Variants in NCAM2 observed in about 807,000 individuals in gnomAD.
The protein encoded by NCAM2 is N-CAM-2.
A neutral mutation model predicts 98.1 loss-of-function variants in NCAM2; 30 were observed. The ratio of observed to expected loss-of-function variants is 0.31; its 90% CI spans 0.23 to 0.41. The LOEUF is 0.41. NCAM2 is among the 10% of genes least tolerant of loss of function. NCAM2 has a pLI of 1.00. For synonymous variants in NCAM2, 368 were observed against 342.4 expected (o/e 1.07, Z -0.83); for missense variants, 867 against 1,005.8 (o/e 0.86, Z 1.87).
intron 15 of NCAM2, among the ~76,000 whole-genome samples, chr21:21,499,557 A>C (rs1987487277): frequency 6.6e-6 from 1 of 152,136 alleles, no homozygotes; most frequent in Non-Finnish European, 1.5e-5. Context: ...AATAAATTTT[A>C]AAACAAAATG....
At chr21:21,410,575 C>T in intron 10 of NCAM2, 114 bp downstream of exon 10, 1 of 551,746 alleles carries the variant, frequency 1.8e-6, no homozygotes. Flanking sequence ...AGAGAGAAAT[C>T]ATGGTGTATA....
chr21:21,365,639 C>T (rs534664800), intron 8 of NCAM2, among the ~76,000 whole-genome samples: 12 of 151,666 alleles, frequency 7.9e-5, no homozygotes, highest in Non-Finnish European at 1.5e-4. Context: ...GAACACTACC[C>T]GATCAATTGT....
intron 1 of NCAM2, among the ~76,000 whole-genome samples, chr21:21,174,754 A>T (rs1344121165): frequency 1.3e-5 from 2 of 152,090 alleles, no homozygotes; most frequent in Non-Finnish European, 2.9e-5. Context: ...ATAAATAAAT[A>T]CCAATAATAC....
chr21:21,439,806 C>A (rs1476010963), intron 12 of NCAM2, among the ~76,000 whole-genome samples: 1 of 152,142 alleles, frequency 6.6e-6, no homozygotes, highest in Admixed American at 6.5e-5. Flanking sequence ...TACACATTGT[C>A]AAAGAAAACT....
intron 10 of NCAM2, among the ~76,000 whole-genome samples, chr21:21,412,499 T>C (rs969721820): frequency 6.6e-6 from 1 of 150,568 alleles, no homozygotes; most frequent in Non-Finnish European, 1.5e-5. Flanking sequence ...CATCTTGACA[T>C]TTTTTAGTTC....
chr21:21,401,633 T>C (rs2076632030), intron 9 of NCAM2, among the ~76,000 whole-genome samples: 1 of 152,214 alleles, frequency 6.6e-6, no homozygotes, highest in Admixed American at 6.5e-5. Flanking sequence ...ATTGAAAATG[T>C]CAGAATTTCC....
intron 5 of NCAM2, among the ~76,000 whole-genome samples, chr21:21,307,123 A>T (rs1011094710): frequency 6.6e-6 from 1 of 152,086 alleles, no homozygotes; most frequent in African/African-American, 2.4e-5. Flanking sequence ...CACACATTGA[A>T]TATATTACTG....
intron 1 of NCAM2, among the ~76,000 whole-genome samples, chr21:21,151,253 C>G (rs1314087340): frequency 6.6e-6 from 1 of 151,826 alleles, no homozygotes; most frequent in African/African-American, 2.4e-5. Context: ...TATTAAGTAT[C>G]TTAGATAATA....
intron 1 of NCAM2, among the ~76,000 whole-genome samples, chr21:21,207,387 G>T (rs748997015): frequency 3.4e-4 from 51 of 152,042 alleles, no homozygotes; most frequent in African/African-American, 1.2e-3. Flanking sequence ...TCTACCACTA[G>T]GGCAGGTGTT....
chr21:21,507,634 A>G (rs745673985), intron 15 of NCAM2, among the ~76,000 whole-genome samples: 26 of 151,934 alleles, frequency 1.7e-4, no homozygotes, highest in Admixed American at 3.3e-4. Flanking sequence ...TCTACTAAAA[A>G]CACAAAAAAA....
At chr21:21,091,700 G>T (rs778288925) in intron 1 of NCAM2, among the ~76,000 whole-genome samples, 59 of 152,000 alleles carry the variant, frequency 3.9e-4, no homozygotes, top group Non-Finnish European at 7.6e-4. Context: ...CTAAGAAAGA[G>T]ATTTGAAACT....
At chr21:21,388,994 C>A (rs2076326650) in intron 9 of NCAM2, among the ~76,000 whole-genome samples, 1 of 152,140 alleles carries the variant, frequency 6.6e-6, no homozygotes, top group Non-Finnish European at 1.5e-5. Context: ...CTAATGCAAG[C>A]AAAAGTGTGT....
At chr21:21,047,066 G>T (rs1387860285) in intron 1 of NCAM2, among the ~76,000 whole-genome samples, 1 of 49,534 alleles carries the variant, frequency 2.0e-5, no homozygotes, top group South Asian at 1.2e-3. Flanking sequence ...TTTGAGAGGG[G>T]TGTGTGACAT....
intron 1 of NCAM2, among the ~76,000 whole-genome samples, chr21:21,224,744 T>C (rs1310123512): frequency 6.6e-6 from 1 of 152,108 alleles, no homozygotes; most frequent in African/African-American, 2.4e-5. Flanking sequence ...TATTGTAAAA[T>C]TAATAGATTT....
At chr21:21,140,693 C>T (rs1411333330) in intron 1 of NCAM2, among the ~76,000 whole-genome samples, 4 of 152,126 alleles carry the variant, frequency 2.6e-5, no homozygotes, top group East Asian at 3.9e-4. Context: ...TTGGTTTTCT[C>T]TTCTGTCACT....
intron 1 of NCAM2, among the ~76,000 whole-genome samples, chr21:21,130,191 G>T (rs10211971): frequency 0.97 from 147,138 of 152,174 alleles, 71,309 homozygotes; most frequent in East Asian, 1. Flanking sequence ...TTGAATTGTT[G>T]GTTACAATTT....
intron 1 of NCAM2, among the ~76,000 whole-genome samples, chr21:21,231,763 C>G (rs2070636756): frequency 6.6e-6 from 1 of 151,328 alleles, no homozygotes; most frequent in Admixed American, 6.6e-5. Flanking sequence ...ACACATGTTA[C>G]CTTAATGTGT....
intron 1 of NCAM2, among the ~76,000 whole-genome samples, chr21:21,096,567 A>G (rs2066128937): frequency 6.6e-6 from 1 of 151,814 alleles, no homozygotes; most frequent in South Asian, 2.1e-4. Flanking sequence ...ATTCTTATCA[A>G]TAATAGTTGA....
At chr21:21,535,831 A>T (rs1226366422) in intron 17 of NCAM2, among the ~76,000 whole-genome samples, 1 of 152,186 alleles carries the variant, frequency 6.6e-6, no homozygotes, top group Admixed American at 6.5e-5. Context: ...AATCACCAAT[A>T]TAAAATAATA....
Sources: gnomAD v4.1 joint callset for allele counts (sites outside exome capture counted in the v4.1 genomes callset) on GRCh38, gnomAD v4.1.1 for gene constraint, MANE v1.5 for transcripts, NCBI Gene and HGNC (gene_info 2026-07-23, HGNC 2026-07-21) for gene names.